RBM46: variants seen among roughly 807,000 people sequenced by gnomAD.
RBM46 encodes probable RNA-binding protein 46.
Under a neutral mutation model 43.3 loss-of-function variants are expected in RBM46, and 12 were observed. The ratio of observed to expected loss-of-function variants is 0.28; its 90% CI spans 0.18 to 0.45. The LOEUF (loss-of-function observed/expected upper bound fraction) is 0.45, where lower values mean the gene tolerates loss of function less well. Ranked by LOEUF, RBM46 falls within the 20% of genes least tolerant of loss-of-function variation. The pLI, the probability that RBM46 is intolerant of heterozygous loss-of-function variation, is 1.00. For synonymous variants in RBM46, 205 were observed against 207.6 expected, an observed-to-expected ratio of 0.99 and a Z score of 0.11; for missense variants, 412 against 639.1, an observed-to-expected ratio of 0.64 and a Z score of 3.83.
intron 4 of RBM46, among the ~76,000 whole-genome samples, chr4:154,806,609 A>G (rs901560973): frequency 6.6e-6 from 1 of 151,912 alleles, no homozygotes; most frequent in East Asian, 1.9e-4. Flanking sequence ...TCCTTTATGG[A>G]ATTCAAAGCT....
chr4:154,825,121 G>T (rs774091084), intron 4 of RBM46, among the ~76,000 whole-genome samples: 3 of 152,136 alleles, frequency 2.0e-5, no homozygotes, highest in Non-Finnish European at 2.9e-5. Flanking sequence ...CTTAAGAAGG[G>T]ATCTGAAGTA....
At chr4:154,827,385 T>C in intron 4 of RBM46, 1 of 986,864 alleles carries the variant, frequency 1.0e-6, no homozygotes, top group South Asian at 4.7e-5. Context: ...TAATGAAATA[T>C]TGGCCAGCTA....
At chr4:154,796,346 AGAT>A (rs1482856446) in intron 1 of RBM46, among the ~76,000 whole-genome samples, 1 of 152,224 alleles carries the variant, frequency 6.6e-6, no homozygotes, top group Admixed American at 6.5e-5. Flanking sequence ...CAGTTGGCTT[AGAT>A]GATAAAATGA....
Position 154,793,041 on chromosome 4 carries a change from T to C in RBM46, c.-11-3701T>C, listed in dbSNP as rs549606634. Among the ~76,000 whole-genome samples, 4 of 152,360 alleles carry C rather than the reference T, an allele frequency of 2.6e-5. No homozygotes were observed. In the South Asian group the frequency reaches 8.3e-4, roughly 32 times the overall value. On this transcript the variant is annotated intron_variant, in intron 1 of 4. Coordinates refer to ENST00000281722, the MANE Select transcript of RBM46 (RefSeq NM_144979.5). ...TACCAGTAAAGTTCCTTGTAAATTA[T>C]TTCAACATTTTTATATTCCTACACA...
At chr4:154,786,440 C>T (rs985749321) in intron 1 of RBM46, among the ~76,000 whole-genome samples, 3 of 152,112 alleles carry the variant, frequency 2.0e-5, no homozygotes, top group African/African-American at 7.2e-5. Flanking sequence ...TTTCTTTTAT[C>T]TGAATCTATT....
chr4:154,784,970 A>G (rs1186967588), intron 1 of RBM46, among the ~76,000 whole-genome samples: 1 of 152,174 alleles, frequency 6.6e-6, no homozygotes, highest in Non-Finnish European at 1.5e-5. Flanking sequence ...CTATTCTTGA[A>G]TTTTGCCTCT....
chr4:154,815,232 A>G lies in RBM46; in HGVS notation c.1403-12636A>G, dbSNP rs1295408136. Among the ~76,000 whole-genome samples, 5 of 152,126 alleles carry G rather than the reference A, an allele frequency of 3.3e-5. No homozygotes were observed. The South Asian group carries it at 1.0e-3, about 31-fold the overall frequency. ...TATAACTTGCTGTCTTTGTTGATGAAAATATAAAGAACTATCAGTTTGGGG... is the reference window on the plus strand; with the variant it reads ...TATAACTTGCTGTCTTTGTTGATGAGAATATAAAGAACTATCAGTTTGGGG... On this transcript the variant is annotated intron_variant, in intron 4 of 4. Coordinates refer to ENST00000281722, the MANE Select transcript of RBM46 (RefSeq NM_144979.5).
Position 154,799,266 on chromosome 4 carries a change from C to T in RBM46, c.1104C>T (p.Cys368=), listed in dbSNP as rs1250905174. 1.5e-5 allele frequency: 24 copies of T among 1,614,070 alleles called. No homozygotes were observed. Among genetic ancestry groups the T allele is most frequent in the Non-Finnish European group, 2.0e-5 (24 of 1,180,024 alleles). ...HSPSPPEVER[C]TYPFYPGTKL... ...CAAGTCCGCCTGAAGTTGAAAGATG[C>T]ACTTACCCTTTTTATCCTGGAACAA... Residue 368 remains cysteine, a synonymous_variant, in exon 4 of 5, where the codon TGC becomes TGT. Transcript: ENST00000281722.
intron 1 of RBM46, among the ~76,000 whole-genome samples, chr4:154,796,307 AT>A (rs1734348727): frequency 1.3e-5 from 2 of 152,178 alleles, no homozygotes; most frequent in African/African-American, 2.4e-5. Context: ...GGTGCCATTT[AT>A]TGGTTGAATG....
chr4:154,788,027 G>A (rs953355771), intron 1 of RBM46, among the ~76,000 whole-genome samples: 11 of 152,098 alleles, frequency 7.2e-5, no homozygotes, highest in Non-Finnish European at 1.5e-4. Flanking sequence ...TTTTTGATAG[G>A]GTTGTTTGAT....
chr4:154,804,248 G>A (rs1332177747), intron 4 of RBM46, among the ~76,000 whole-genome samples: 1 of 152,190 alleles, frequency 6.6e-6, no homozygotes, highest in African/African-American at 2.4e-5. Context: ...AGACTGGAGG[G>A]TTAGAATAGA....
Position 154,798,816 on chromosome 4 carries a change from A to G in RBM46, c.654A>G (p.Val218=), listed in dbSNP as rs771566928. The G allele has an allele frequency of 6.4e-7, 1 of 1,566,852 alleles. No homozygotes were observed. Among genetic ancestry groups the G allele is most frequent in the African/African-American group, 1.4e-5 (1 of 72,524 alleles). The change falls in exon 4 of 5, where the codon GTA becomes GTG. Residue 218 remains valine, a synonymous_variant. Coordinates refer to ENST00000281722, the MANE Select transcript of RBM46 (RefSeq NM_144979.5). ...AACTATGGGGCCACACCATTCAGGT[A>G]GATTGGGCTGACCCAGAGAAAGAGG... ...TFQLWGHTIQ[V]DWADPEKEVD...
intron 4 of RBM46, chr4:154,827,056 A>G (rs1490772259): frequency 8.5e-7 from 1 of 1,178,808 alleles, no homozygotes; most frequent in African/African-American, 1.6e-5. Flanking sequence ...TGGAAGGTAC[A>G]GGATTTAAAA....
intron 1 of RBM46, among the ~76,000 whole-genome samples, chr4:154,796,270 T>C (rs1293037849): frequency 1.3e-5 from 2 of 152,212 alleles, no homozygotes; most frequent in Non-Finnish European, 2.9e-5. Flanking sequence ...TTGTGAGAGT[T>C]TGGAAGAGAG....
At chr4:154,784,442 T>C (rs1733659257) in intron 1 of RBM46, among the ~76,000 whole-genome samples, 1 of 152,246 alleles carries the variant, frequency 6.6e-6, no homozygotes, top group South Asian at 2.1e-4. Context: ...GAGATATAGT[T>C]AGCACTTAAA....
At chr4:154,808,065 A>T (rs1734992996) in intron 4 of RBM46, among the ~76,000 whole-genome samples, 1 of 152,030 alleles carries the variant, frequency 6.6e-6, no homozygotes, top group African/African-American at 2.4e-5. Context: ...AATTATGTTT[A>T]TAACTTTGGA....
At chr4:154,826,141 G>A (rs1383820719) in intron 4 of RBM46, among the ~76,000 whole-genome samples, 2 of 145,856 alleles carry the variant, frequency 1.4e-5, no homozygotes, top group African/African-American at 5.1e-5. Context: ...AGGTGAAGTG[G>A]ATCCTTTTAA....
chr4:154,825,848 C>T (rs1017671360), intron 4 of RBM46, among the ~76,000 whole-genome samples: 1 of 152,176 alleles, frequency 6.6e-6, no homozygotes, highest in African/African-American at 2.4e-5. Context: ...AAATAGGCTG[C>T]ATTACCTCTT....
intron 4 of RBM46, among the ~76,000 whole-genome samples, chr4:154,820,907 G>C (rs1032898259): frequency 2.0e-5 from 3 of 151,804 alleles, no homozygotes; most frequent in Non-Finnish European, 4.4e-5. Context: ...TTTGAGTCAA[G>C]ATTATTACCT....
Sources: allele counts gnomAD v4.1 joint callset (sites outside exome capture counted in the v4.1 genomes callset), GRCh38; gene constraint gnomAD v4.1.1; transcripts MANE v1.5; gene names NCBI Gene and HGNC (gene_info 2026-07-23, HGNC 2026-07-21).